The following TTC28 variants were observed in gnomAD, a reference collection of about 807,000 sequenced individuals.
The protein encoded by TTC28 is tetratricopeptide repeat protein 28.
In TTC28, 61 loss-of-function variants were observed where a neutral mutation model predicts 198.0. That is an observed-to-expected ratio of 0.31 (90% confidence interval 0.25 to 0.38). The LOEUF (loss-of-function observed/expected upper bound fraction) is 0.38, where lower values mean the gene tolerates loss of function less well. TTC28 is among the 10% of genes least tolerant of loss of function. The probability of loss-of-function intolerance (pLI) is 1.00; values close to 1 mark genes in which losing one functional copy is unlikely to be tolerated. For missense variants in TTC28, 2,678 were observed against 3,164.0 expected (o/e 0.85, Z 3.69); for synonymous variants, 1,171 against 1,297.8 (o/e 0.90, Z 2.10).
chr22:28,557,265 T>C (rs1207200043), intron 2 of TTC28, among the ~76,000 whole-genome samples: 1 of 152,196 alleles, frequency 6.6e-6, no homozygotes, highest in African/African-American at 2.4e-5. Flanking sequence ...TCTCCTGCAT[T>C]TTCTTGTCTT....
intron 2 of TTC28, among the ~76,000 whole-genome samples, chr22:28,355,843 G>C (rs527417198): frequency 6.6e-6 from 1 of 152,180 alleles, no homozygotes; most frequent in Non-Finnish European, 1.5e-5. Flanking sequence ...ATGGAGTCCA[G>C]AACAACGAAT....
At chr22:27,996,078 C>A (rs1937546171) in intron 17 of TTC28, 57 bp downstream of exon 17, 1 of 1,516,068 alleles carries the variant, frequency 6.6e-7, no homozygotes, top group Non-Finnish European at 8.8e-7. Flanking sequence ...CCTTGCCTTC[C>A]CCTTCTCTCA....
chr22:28,356,358 T>C (rs927455348), intron 2 of TTC28, among the ~76,000 whole-genome samples: 1 of 152,196 alleles, frequency 6.6e-6, no homozygotes, highest in Non-Finnish European at 1.5e-5. Flanking sequence ...CATTATTACA[T>C]AGTCCATGGG....
chr22:28,325,594 A>G (rs1476301275), intron 2 of TTC28, among the ~76,000 whole-genome samples: 1 of 152,162 alleles, frequency 6.6e-6, no homozygotes, highest in Non-Finnish European at 1.5e-5. Flanking sequence ...ATACTAACCC[A>G]AAAGAGGATG....
chr22:28,197,928 G>A (rs1022155037), intron 5 of TTC28, among the ~76,000 whole-genome samples: 1 of 151,948 alleles, frequency 6.6e-6, no homozygotes. Context: ...AGTGATTAAG[G>A]GGTCATAAAG....
chr22:28,635,735 A>G (rs2051259394), intron 1 of TTC28, among the ~76,000 whole-genome samples: 1 of 152,188 alleles, frequency 6.6e-6, no homozygotes. Flanking sequence ...TGATATATGT[A>G]TGCATTGTGA....
intron 2 of TTC28, among the ~76,000 whole-genome samples, chr22:28,418,729 A>G (rs1001102294): frequency 1.3e-5 from 2 of 152,218 alleles, no homozygotes; most frequent in African/African-American, 2.4e-5. Context: ...AATATTTATT[A>G]AATATTGAGC....
chr22:28,287,780 T>C (rs1159553247), intron 5 of TTC28, among the ~76,000 whole-genome samples: 1 of 152,138 alleles, frequency 6.6e-6, no homozygotes, highest in East Asian at 1.9e-4. Context: ...GATGATGTAA[T>C]TCATGATCAG....
At chr22:28,238,460 CA>C (rs1450235238) in intron 5 of TTC28, among the ~76,000 whole-genome samples, 1 of 152,144 alleles carries the variant, frequency 6.6e-6, no homozygotes, top group Non-Finnish European at 1.5e-5. Context: ...TATATTCTAT[CA>C]AATGTTCTCT....
chr22:28,412,362 G>A (rs1026272351), intron 2 of TTC28, among the ~76,000 whole-genome samples: 2 of 152,042 alleles, frequency 1.3e-5, no homozygotes, highest in African/African-American at 2.4e-5. Context: ...GGCGGGGGGC[G>A]GGGGGAGAGG....
intron 10 of TTC28, among the ~76,000 whole-genome samples, chr22:28,098,200 A>G (rs1045799733): frequency 6.6e-6 from 1 of 152,224 alleles, no homozygotes; most frequent in Admixed American, 6.5e-5. Context: ...ACAGCCTAGG[A>G]GGCAGACCCA....
Position 28,601,809 on chromosome 22 carries a change from C to CACACACAT in TTC28, c.381+27742_381+27743insATGTGTGT, listed in dbSNP as rs71658621. ...ACACACACACACACACACACACACA[C>CACACACAT]ACACACAGTTCTGGGTATGTAGCTC... On this transcript the variant is annotated intron_variant, in intron 2 of 22. Transcript: ENST00000397906. Among the ~76,000 whole-genome samples the CACACACAT allele has an allele frequency of 4.9e-4, 74 of 151,188 alleles. 1 individual carries two copies. The South Asian group carries it at 0.012, about 24-fold the overall frequency.
intron 2 of TTC28, among the ~76,000 whole-genome samples, chr22:28,312,073 G>C (rs1227262277): frequency 1.3e-5 from 2 of 150,162 alleles, no homozygotes; most frequent in Non-Finnish European, 3.0e-5. Flanking sequence ...CCTGGTCTCT[G>C]ATAAAAACAG....
At chr22:28,589,338 T>C (rs738724) in intron 2 of TTC28, among the ~76,000 whole-genome samples, 13,127 of 152,232 alleles carry the variant, frequency 0.086, 701 homozygotes, top group Middle Eastern at 0.17. Flanking sequence ...ATCGCCAAAC[T>C]GAACTACAAC....
chr22:28,633,553 A>C (rs1360424423), intron 1 of TTC28, among the ~76,000 whole-genome samples: 1 of 151,978 alleles, frequency 6.6e-6, no homozygotes, highest in East Asian at 1.9e-4. Flanking sequence ...GCTTGAGCCT[A>C]GGGGGTCAGG....
At chr22:28,079,259 G>C (rs538170834) in intron 12 of TTC28, among the ~76,000 whole-genome samples, 1 of 152,346 alleles carries the variant, frequency 6.6e-6, no homozygotes, top group East Asian at 1.9e-4. Context: ...GGAAGTGGTA[G>C]CAGTGGTTTA....
At chr22:28,364,999 A>G (rs2046224614) in intron 2 of TTC28, among the ~76,000 whole-genome samples, 3 of 152,234 alleles carry the variant, frequency 2.0e-5, no homozygotes, top group African/African-American at 4.8e-5. Context: ...AAATACTATC[A>G]AACAGCATTG....
At chr22:28,215,729 C>T (rs1245322607) in intron 5 of TTC28, among the ~76,000 whole-genome samples, 1 of 151,988 alleles carries the variant, frequency 6.6e-6, no homozygotes, top group East Asian at 1.9e-4. Context: ...CGCTCATATG[C>T]AAAATGAGGA....
intron 2 of TTC28, among the ~76,000 whole-genome samples, chr22:28,601,115 T>C (rs887481223): frequency 1.3e-5 from 2 of 152,234 alleles, no homozygotes; most frequent in African/African-American, 4.8e-5. Context: ...CATTGAATTA[T>C]AATAAACGTG....
Sources: gnomAD v4.1 joint callset for allele counts (sites outside exome capture counted in the v4.1 genomes callset) on GRCh38, gnomAD v4.1.1 for gene constraint, MANE v1.5 for transcripts, NCBI Gene and HGNC (gene_info 2026-07-23, HGNC 2026-07-21) for gene names.